The following SLC4A5 variants were observed in gnomAD, a reference collection of about 807,000 sequenced individuals.
The protein encoded by SLC4A5 is electrogenic sodium bicarbonate cotransporter 4.
A neutral mutation model predicts 120.4 loss-of-function variants in SLC4A5; 96 were observed. That is an observed-to-expected ratio of 0.80 (90% CI 0.68 to 0.94). SLC4A5 has a LOEUF of 0.94. Ranked by LOEUF, SLC4A5 falls within the 40% of genes least tolerant of loss-of-function variation. SLC4A5 has a pLI of 0.00. For synonymous variants in SLC4A5, 550 were observed against 571.1 expected, an observed-to-expected ratio of 0.96 and a Z score of 0.53; for missense variants, 1,259 against 1,459.5, an observed-to-expected ratio of 0.86 and a Z score of 2.24.
chr2:74,257,682 C>T (rs1457418325), intron 12 of SLC4A5, among the ~76,000 whole-genome samples: 1 of 151,900 alleles, frequency 6.6e-6, no homozygotes, highest in Non-Finnish European at 1.5e-5. Context: ...TGGGTTCAAG[C>T]AGTTCTCGTG....
chr2:74,284,739 G>A (rs1573061655), intron 8 of SLC4A5, among the ~76,000 whole-genome samples: 1 of 152,150 alleles, frequency 6.6e-6, no homozygotes, highest in East Asian at 1.9e-4. Context: ...CTGGGGATAT[G>A]AGCAGTGCCA....
chr2:74,331,867 A>G (rs896122132), intron 4 of SLC4A5, among the ~76,000 whole-genome samples: 1 of 152,124 alleles, frequency 6.6e-6, no homozygotes, highest in East Asian at 1.9e-4. Context: ...TAAAATGGGC[A>G]TATGTCATGA....
At chr2:74,284,574 T>A (rs550302499) in intron 8 of SLC4A5, among the ~76,000 whole-genome samples, 1 of 152,188 alleles carries the variant, frequency 6.6e-6, no homozygotes, top group Non-Finnish European at 1.5e-5. Flanking sequence ...AGTGGCATCA[T>A]GTAAAGAAGG....
chr2:74,282,273 G>T (rs756454685), intron 8 of SLC4A5, among the ~76,000 whole-genome samples: 1 of 152,246 alleles, frequency 6.6e-6, no homozygotes, highest in Non-Finnish European at 1.5e-5. Context: ...GTTAGCTGTA[G>T]AGAGTAGAAA....
intron 15 of SLC4A5, 41 bp downstream of exon 15, chr2:74,252,931 GAA>G: frequency 6.2e-7 from 1 of 1,606,712 alleles, no homozygotes; most frequent in Non-Finnish European, 8.5e-7. Context: ...CGACAGAGTT[GAA>G]GCCTCCTTTT....
chr2:74,310,731 A>G (rs1672780321), intron 6 of SLC4A5, among the ~76,000 whole-genome samples: 1 of 152,140 alleles, frequency 6.6e-6, no homozygotes, highest in East Asian at 1.9e-4. Context: ...TTTTGCATAT[A>G]TATTCATAAG....
intron 7 of SLC4A5, among the ~76,000 whole-genome samples, chr2:74,302,053 G>T (rs896789645): frequency 6.6e-6 from 1 of 152,158 alleles, no homozygotes; most frequent in Non-Finnish European, 1.5e-5. Flanking sequence ...TAATTAGTTA[G>T]ATTATTTCTC....
At chr2:74,237,962 T>C (rs1670319905) in intron 21 of SLC4A5, among the ~76,000 whole-genome samples, 1 of 151,546 alleles carries the variant, frequency 6.6e-6, no homozygotes, top group African/African-American at 2.4e-5. Context: ...ATTAGCCGGG[T>C]GTGGTGGCAG....
At chr2:74,228,230 C>T (rs557504073) in intron 25 of SLC4A5, among the ~76,000 whole-genome samples, 36 of 152,364 alleles carry the variant, frequency 2.4e-4, no homozygotes, top group Admixed American at 2.3e-3. Flanking sequence ...TTCCTACCTC[C>T]AGCCTCAGCT....
At chr2:74,307,397 G>T in intron 6 of SLC4A5, 1 of 631,368 alleles carries the variant, frequency 1.6e-6, no homozygotes, top group Admixed American at 1.9e-5. Flanking sequence ...GCAGCTCCTC[G>T]AGAGCCTCGA....
chr2:74,287,604 A>C (rs1573064550), intron 7 of SLC4A5, among the ~76,000 whole-genome samples: 1 of 152,050 alleles, frequency 6.6e-6, no homozygotes, highest in East Asian at 1.9e-4. Context: ...GCATCCTTCC[A>C]TGCATCCTTG....
intron 6 of SLC4A5, among the ~76,000 whole-genome samples, chr2:74,313,411 G>A (rs1250306017): frequency 6.6e-6 from 1 of 152,176 alleles, no homozygotes; most frequent in Non-Finnish European, 1.5e-5. Flanking sequence ...TTAGAGAGAT[G>A]TTGAATATGC....
chr2:74,228,545 G>T (rs1694928134), intron 25 of SLC4A5, among the ~76,000 whole-genome samples: 1 of 152,108 alleles, frequency 6.6e-6, no homozygotes, highest in African/African-American at 2.4e-5. Context: ...CAGAAGAATC[G>T]CTTGAATCCG....
Position 74,227,886 on chromosome 2 carries a change from G to A in SLC4A5, c.2848-8C>T, listed in dbSNP as rs767959508. On this transcript the variant is annotated splice_polypyrimidine_tract_variant and splice_region_variant and intron_variant, in intron 25 of 30. Coordinates refer to ENST00000394019, the Ensembl canonical transcript of SLC4A5. ...CACCGGCAGGGGGATACACTAAAATGAGAGCAGAGCTTTGGATCGGCCTCT... is the reference window on the plus strand; with the variant it reads ...CACCGGCAGGGGGATACACTAAAATAAGAGCAGAGCTTTGGATCGGCCTCT... 1.7e-5 allele frequency: 28 copies of A among 1,602,220 alleles called. No homozygotes were observed. Among genetic ancestry groups the A allele is most frequent in the Non-Finnish European group, 2.2e-5 (26 of 1,175,100 alleles).
intron 21 of SLC4A5, among the ~76,000 whole-genome samples, chr2:74,236,977 A>AT (rs33959548): frequency 0.45 from 62,369 of 140,124 alleles, 14,018 homozygotes; most frequent in East Asian, 0.59. Flanking sequence ...CAACTGAGCA[A>AT]TTTTTTTTTT....
At chr2:74,278,641 C>G (rs1214901524) in intron 8 of SLC4A5, among the ~76,000 whole-genome samples, 1 of 152,068 alleles carries the variant, frequency 6.6e-6, no homozygotes, top group African/African-American at 2.4e-5. Flanking sequence ...TATAAAAATC[C>G]CTTTTTCCTA....
chr2:74,219,924 G>A (rs1694569932), intron 30 of SLC4A5, among the ~76,000 whole-genome samples: 1 of 152,146 alleles, frequency 6.6e-6, no homozygotes, highest in Non-Finnish European at 1.5e-5. Context: ...GGTTGAACTG[G>A]GGAAAAGTGT....
chr2:74,227,387 A>C, intron 26 of SLC4A5: 1 of 1,334,998 alleles, frequency 7.5e-7, no homozygotes, highest in Non-Finnish European at 1.0e-6. Context: ...ATTCAGGGAA[A>C]GTGCAAGTTA....
intron 5 of SLC4A5, among the ~76,000 whole-genome samples, chr2:74,320,351 AT>A (rs1449060644): frequency 1.3e-5 from 2 of 152,184 alleles, no homozygotes; most frequent in Non-Finnish European, 2.9e-5. Flanking sequence ...TCCAAGTCAC[AT>A]CATTATGAAG....
Sources: allele counts gnomAD v4.1 joint callset (sites outside exome capture counted in the v4.1 genomes callset), GRCh38; gene constraint gnomAD v4.1.1; transcripts MANE v1.5; gene names NCBI Gene and HGNC (gene_info 2026-07-23, HGNC 2026-07-21).